Variants in NALCN observed in about 807,000 individuals in gnomAD.
The protein encoded by NALCN is sodium leak channel, non-selective, also known as sodium leak channel NALCN.
Under a neutral mutation model 225.3 loss-of-function variants are expected in NALCN, and 111 were observed. The observed-to-expected ratio is 0.49, with a 90% CI of 0.42 to 0.58. The LOEUF is 0.58. NALCN is among the 20% of genes least tolerant of loss of function. The probability of loss-of-function intolerance (pLI) is 0.00; values close to 1 mark genes in which losing one functional copy is unlikely to be tolerated. For missense variants in NALCN, 1,378 were observed against 2,202.4 expected (o/e 0.63, Z 7.49); for synonymous variants, 764 against 769.0 (o/e 0.99, Z 0.11).
rs59301533 is a variant in NALCN, at chr13:101,378,486, G to A, written c.375+84C>T. 202,127 of 969,330 alleles carry A rather than the reference G, an allele frequency of 0.21. 22,405 individuals are homozygous for A. The highest frequency in any genetic ancestry group is 0.23 in the Non-Finnish European group (148,305 of 654,722). 60.0% of individuals were successfully genotyped at this position (969,330 alleles called of 1,614,324 possible). On this transcript the variant is annotated intron_variant, in intron 4 of 43. Coordinates refer to ENST00000251127, the MANE Select transcript of NALCN (RefSeq NM_052867.4). ...CACAATCACATTTGATATATATTTTGTAATATTTCTATTTAGACTTTTAAT... is the reference window on the plus strand; with the variant it reads ...CACAATCACATTTGATATATATTTTATAATATTTCTATTTAGACTTTTAAT...
At chr13:101,273,001 T>C (rs1309980660) in intron 10 of NALCN, among the ~76,000 whole-genome samples, 1 of 152,208 alleles carries the variant, frequency 6.6e-6, no homozygotes, top group Non-Finnish European at 1.5e-5. Context: ...CAAGCACCTG[T>C]TACCTCCCTC....
intron 14 of NALCN, among the ~76,000 whole-genome samples, chr13:101,188,696 T>TA (rs2039555362): frequency 4.0e-5 from 6 of 150,986 alleles, no homozygotes; most frequent in Non-Finnish European, 7.4e-5. Flanking sequence ...ATATATATAT[T>TA]TTTTTGAGAT....
At chr13:101,353,303 G>A (rs759609664) in intron 6 of NALCN, among the ~76,000 whole-genome samples, 1 of 152,162 alleles carries the variant, frequency 6.6e-6, no homozygotes, top group South Asian at 2.1e-4. Context: ...CCCCTAGATT[G>A]AGAGGTTTTC....
intron 15 of NALCN, among the ~76,000 whole-genome samples, chr13:101,163,630 T>C (rs1327399958): frequency 6.6e-6 from 1 of 152,066 alleles, no homozygotes; most frequent in Admixed American, 6.6e-5. Context: ...CAGGCTGGCG[T>C]AGGATTCCAA....
chr13:101,366,928 C>T (rs1449410069), intron 6 of NALCN, among the ~76,000 whole-genome samples: 2 of 151,870 alleles, frequency 1.3e-5, no homozygotes, highest in Admixed American at 1.3e-4. Context: ...CATTCCCTTG[C>T]AGCTCCATCT....
intron 14 of NALCN, among the ~76,000 whole-genome samples, chr13:101,190,282 A>G (rs2039630993): frequency 6.6e-6 from 1 of 152,248 alleles, no homozygotes; most frequent in South Asian, 2.1e-4. Flanking sequence ...AATGAAATCT[A>G]TCCTGCATTT....
At chr13:101,107,094 T>G (rs2035159490) in intron 22 of NALCN, among the ~76,000 whole-genome samples, 1 of 152,182 alleles carries the variant, frequency 6.6e-6, no homozygotes, top group Non-Finnish European at 1.5e-5. Flanking sequence ...AATTGAGGTA[T>G]TTTTACCACA....
At chr13:101,414,379 G>A (rs892905332) in intron 1 of NALCN, among the ~76,000 whole-genome samples, 1 of 152,172 alleles carries the variant, frequency 6.6e-6, no homozygotes, top group African/African-American at 2.4e-5. Flanking sequence ...TTAGGATATA[G>A]AGGTGTAGAT....
chr13:101,114,024 C>G (rs1244359952), intron 18 of NALCN, among the ~76,000 whole-genome samples: 2 of 152,110 alleles, frequency 1.3e-5, no homozygotes, highest in Admixed American at 6.5e-5. Flanking sequence ...CTGTGTGACC[C>G]CATCCCTAAC....
At chr13:101,062,262 G>T (rs2032015101) in intron 40 of NALCN, 144 bp from the exon 41 acceptor site, 1 of 855,408 alleles carries the variant, frequency 1.2e-6, no homozygotes, top group African/African-American at 1.7e-5. Flanking sequence ...CATGTCTTGG[G>T]CTGGTCCTGT....
chr13:101,366,019 C>T (rs541841960), intron 6 of NALCN, among the ~76,000 whole-genome samples: 1 of 152,262 alleles, frequency 6.6e-6, no homozygotes, highest in East Asian at 1.9e-4. Flanking sequence ...GGTAAGTCTT[C>T]ATCTTTTCTA....
chr13:101,335,025 T>G (rs1320772618), intron 7 of NALCN, among the ~76,000 whole-genome samples: 1 of 152,220 alleles, frequency 6.6e-6, no homozygotes, highest in Non-Finnish European at 1.5e-5. Flanking sequence ...ATAAAAATGC[T>G]AATTTCTTGG....
chr13:101,192,172 G>C lies in NALCN; in HGVS notation c.1627-118C>G, dbSNP rs1278671388. 3.5e-6 allele frequency: 4 copies of C among 1,131,644 alleles called. No individual in the cohort carries two copies. In the African/African-American group the frequency reaches 5.0e-5, roughly 14 times the overall value. 70.1% of individuals were successfully genotyped at this position (1,131,644 alleles called of 1,614,324 possible). On this transcript the variant is annotated intron_variant, in intron 13 of 43. Coordinates refer to ENST00000251127, the MANE Select transcript of NALCN (RefSeq NM_052867.4). ...TATTATTGATTTTTATCTGATCAGG[G>C]CAAGAACAGTCTTGATTCAACACAT...
intron 15 of NALCN, among the ~76,000 whole-genome samples, chr13:101,168,786 G>T (rs974571388): frequency 6.6e-6 from 1 of 152,136 alleles, no homozygotes; most frequent in African/African-American, 2.4e-5. Context: ...TCCTGTGCTG[G>T]TATCTCCTTA....
Position 101,206,024 on chromosome 13 carries a change from TTA to T in NALCN, c.1627-13972_1627-13971del, listed in dbSNP as rs59645175. ...AAAGCAGCTTTGGTCAGAGAAATGC[TTA>T]TGTTTTGCATATTAAAATAAACCAC... On this transcript the variant is annotated intron_variant, in intron 13 of 43. Transcript: ENST00000251127. Among the ~76,000 whole-genome samples, 1,516 of 152,194 alleles carry T rather than the reference TTA, an allele frequency of 1.0e-2. 23 individuals carry two copies. Among genetic ancestry groups the T allele is most frequent in the African/African-American group, 0.035 (1,434 of 41,550 alleles).
At chr13:101,214,189 G>A (rs907736024) in intron 13 of NALCN, among the ~76,000 whole-genome samples, 19 of 151,676 alleles carry the variant, frequency 1.3e-4, no homozygotes, top group African/African-American at 2.9e-4. Flanking sequence ...GCAAACTATC[G>A]CAAGGACAGA....
chr13:101,371,636 A>G (rs17583964), intron 6 of NALCN, among the ~76,000 whole-genome samples: 31,944 of 152,128 alleles, frequency 0.21, 3,511 homozygotes, highest in Non-Finnish European at 0.24. Flanking sequence ...TTAATGTTGT[A>G]TGCCACGCAC....
intron 7 of NALCN, among the ~76,000 whole-genome samples, chr13:101,335,089 A>G (rs2045334437): frequency 1.3e-5 from 2 of 152,218 alleles, no homozygotes; most frequent in African/African-American, 4.8e-5. Context: ...CATGAAATAA[A>G]TCATCACTTT....
At chr13:101,389,570 C>A (rs891409114) in intron 3 of NALCN, among the ~76,000 whole-genome samples, 1 of 152,154 alleles carries the variant, frequency 6.6e-6, no homozygotes. Flanking sequence ...AGTCCAGAGG[C>A]AGCAGAGCTC....
Sources: allele counts gnomAD v4.1 joint callset (sites outside exome capture counted in the v4.1 genomes callset), GRCh38; gene constraint gnomAD v4.1.1; transcripts MANE v1.5; gene names NCBI Gene and HGNC (gene_info 2026-07-23, HGNC 2026-07-21).